Variants in NAV2 observed in about 807,000 individuals in gnomAD.
The protein encoded by NAV2 is neuron navigator 2, also known as helicase, APC down-regulated 1.
Under a neutral mutation model 223.2 loss-of-function variants are expected in NAV2, and 54 were observed. The ratio of observed to expected loss-of-function variants is 0.24; its 90% CI spans 0.19 to 0.30. NAV2 has a LOEUF of 0.30. Among genes scored for constraint, NAV2 ranks in the 10% least tolerant of loss-of-function variants. NAV2 has a pLI of 1.00. For synonymous variants in NAV2, 1,279 were observed against 1,239.3 expected, an observed-to-expected ratio of 1.03 and a Z score of -0.67; for missense variants, 2,806 against 3,147.5, an observed-to-expected ratio of 0.89 and a Z score of 2.60.
intron 11 of NAV2, among the ~76,000 whole-genome samples, chr11:20,008,169 C>T (rs959095634): frequency 5.3e-5 from 8 of 152,102 alleles, no homozygotes; most frequent in African/African-American, 1.9e-4. Flanking sequence ...GAGTTCAAGA[C>T]CGGCCTGGCC....
chr11:19,701,204 G>A (rs956571503), intron 1 of NAV2, among the ~76,000 whole-genome samples: 10 of 152,166 alleles, frequency 6.6e-5, no homozygotes, highest in African/African-American at 2.2e-4. Context: ...CTAAGGGGTT[G>A]GGGGTTGGTG....
At chr11:19,350,803 C>A in exon 1 of NAV2, 1 of 721,682 alleles carries the variant, frequency 1.4e-6, no homozygotes, top group Non-Finnish European at 2.4e-6. Flanking sequence ...TTTAAGAAGA[C>A]AGGAAGACCT....
At chr11:19,607,033 G>C (rs1340361324) in intron 1 of NAV2, among the ~76,000 whole-genome samples, 5 of 152,228 alleles carry the variant, frequency 3.3e-5, no homozygotes, top group Non-Finnish European at 1.5e-5. Flanking sequence ...TCCCAGGCCA[G>C]GGAAGGAAAA....
At chr11:19,743,333 C>T (rs1031754767) in intron 1 of NAV2, among the ~76,000 whole-genome samples, 1 of 152,184 alleles carries the variant, frequency 6.6e-6, no homozygotes, top group Non-Finnish European at 1.5e-5. Context: ...CATAACCAAC[C>T]ACTACCCAAG....
intron 1 of NAV2, among the ~76,000 whole-genome samples, chr11:19,569,441 G>C (rs1486452296): frequency 6.6e-6 from 1 of 152,192 alleles, no homozygotes; most frequent in African/African-American, 2.4e-5. Flanking sequence ...ATCTAAAAGA[G>C]TGTCTAGCAT....
chr11:20,082,465 T>G, intron 25 of NAV2: 1 of 861,558 alleles, frequency 1.2e-6, no homozygotes, highest in Non-Finnish European at 2.0e-6. Flanking sequence ...CTCCCCTGTG[T>G]GTGGTGTTTA....
At position 19,588,801 on chromosome 11, in the gene NAV2, G is replaced by T. The variant is rs139567369; in HGVS notation, c.75+237774G>T. Among the ~76,000 whole-genome samples the T allele has an allele frequency of 8.7e-4, 133 of 152,342 alleles. 1 individual carries two copies. Among genetic ancestry groups the T allele is most frequent in the African/African-American group, 3.0e-3 (123 of 41,588 alleles). On this transcript the variant is annotated intron_variant, in intron 1 of 37. Coordinates refer to the NAV2 transcript ENST00000360655. ...AAAAAGAAAGGAGTCAGAGCATGGG[G>T]TGTGATGTGGTTTGGAATCTTGCTG...
intron 1 of NAV2, among the ~76,000 whole-genome samples, chr11:19,540,529 T>C (rs1321116844): frequency 6.6e-6 from 1 of 152,152 alleles, no homozygotes; most frequent in Non-Finnish European, 1.5e-5. Flanking sequence ...GTCACACACC[T>C]GGTAAGTTGC....
At chr11:19,407,033 G>A (rs1370696349) in intron 1 of NAV2, among the ~76,000 whole-genome samples, 2 of 152,194 alleles carry the variant, frequency 1.3e-5, no homozygotes, top group African/African-American at 2.4e-5. Flanking sequence ...GGTGCCAGAT[G>A]GAGGCTCATT....
At chr11:19,966,864 A>G (rs951578729) in intron 10 of NAV2, among the ~76,000 whole-genome samples, 1 of 152,064 alleles carries the variant, frequency 6.6e-6, no homozygotes, top group East Asian at 1.9e-4. Context: ...TTACTCTCTC[A>G]CGTTTCCAAC....
At chr11:19,579,269 T>C (rs752431171) in intron 1 of NAV2, among the ~76,000 whole-genome samples, 3 of 152,216 alleles carry the variant, frequency 2.0e-5, no homozygotes, top group Non-Finnish European at 4.4e-5. Flanking sequence ...TGCAGGACTA[T>C]TATGAGAATT....
chr11:20,083,382 T>A, intron 26 of NAV2, among the ~76,000 whole-genome samples: 1 of 152,232 alleles, frequency 6.6e-6, no homozygotes, highest in East Asian at 1.9e-4. Flanking sequence ...TCTGATGGTG[T>A]CAATATCCAT....
chr11:19,637,950 C>A (rs891543616), intron 1 of NAV2, among the ~76,000 whole-genome samples: 6 of 152,214 alleles, frequency 3.9e-5, no homozygotes, highest in Admixed American at 3.9e-4. Context: ...GCTTTTATTT[C>A]AGATACAGAT....
intron 1 of NAV2, among the ~76,000 whole-genome samples, chr11:19,535,584 G>A (rs10500852): frequency 0.074 from 11,330 of 152,232 alleles, 1,438 homozygotes; most frequent in African/African-American, 0.26. Flanking sequence ...GGAATTTGCC[G>A]TCTTGAAAGC....
chr11:19,662,557 A>T (rs911824426), intron 1 of NAV2, among the ~76,000 whole-genome samples: 7 of 152,226 alleles, frequency 4.6e-5, no homozygotes, highest in African/African-American at 1.4e-4. Flanking sequence ...GTGTTCTTCC[A>T]TTCCTGCTAA....
chr11:19,818,021 A>G (rs1451868179), intron 1 of NAV2, among the ~76,000 whole-genome samples: 2 of 151,850 alleles, frequency 1.3e-5, no homozygotes, highest in Non-Finnish European at 1.5e-5. Context: ...TGCACCCCAC[A>G]GGCTTCCCAG....
At position 20,051,340 on chromosome 11, in the gene NAV2, G is replaced by T. The variant is rs370994356; in HGVS notation, c.4481+7G>T. 6.2e-6 allele frequency: 10 copies of T among 1,613,800 alleles called. No homozygotes were observed. Among genetic ancestry groups the T allele is most frequent in the Non-Finnish European group, 7.6e-6 (9 of 1,179,644 alleles). On this transcript the variant is annotated splice_region_variant and intron_variant, in intron 17 of 37. Coordinates refer to ENST00000349880, the MANE Select transcript of NAV2 (RefSeq NM_145117.5). Reference sequence around the variant, plus strand: ...TGCCTAAGAAAGGACTCAGGTATCTGTGTTTCCTCCTTGCATCTGTGCCAT... The same window carrying T: ...TGCCTAAGAAAGGACTCAGGTATCTTTGTTTCCTCCTTGCATCTGTGCCAT...
intron 1 of NAV2, among the ~76,000 whole-genome samples, chr11:19,726,285 T>C (rs1338849573): frequency 6.6e-6 from 1 of 152,228 alleles, no homozygotes; most frequent in Non-Finnish European, 1.5e-5. Context: ...AATGGTGGCC[T>C]GTAGTTTTCA....
intron 1 of NAV2, among the ~76,000 whole-genome samples, chr11:19,562,981 C>G (rs562286747): frequency 2.0e-5 from 3 of 152,284 alleles, no homozygotes; most frequent in Admixed American, 6.5e-5. Flanking sequence ...CAAGACACCT[C>G]ACCTACCTAG....
Sources: gnomAD v4.1 joint callset for allele counts (sites outside exome capture counted in the v4.1 genomes callset) on GRCh38, gnomAD v4.1.1 for gene constraint, MANE v1.5 for transcripts, NCBI Gene and HGNC (gene_info 2026-07-23, HGNC 2026-07-21) for gene names.